The following NCKAP1L variants were observed in gnomAD, a reference collection of about 807,000 sequenced individuals.
The protein encoded by NCKAP1L is nck-associated protein 1-like.
Under a neutral mutation model 139.2 loss-of-function variants are expected in NCKAP1L, and 53 were observed. That is an observed-to-expected ratio of 0.38 (90% confidence interval 0.31 to 0.48). The LOEUF is 0.48. Ranked by LOEUF, NCKAP1L falls within the 20% of genes least tolerant of loss-of-function variation. NCKAP1L has a pLI of 0.98. For synonymous variants in NCKAP1L, 468 were observed against 499.7 expected, an observed-to-expected ratio of 0.94 and a Z score of 0.85; for missense variants, 1,151 against 1,381.9, an observed-to-expected ratio of 0.83 and a Z score of 2.65.
In NCKAP1L at chr12:54,519,195, T is replaced by G; in HGVS notation, c.1488T>G (p.Thr496=). 3 of 1,563,496 alleles carry G rather than the reference T, an allele frequency of 1.9e-6. No homozygotes were observed. In the Admixed American group the frequency reaches 6.4e-5, roughly 33 times the overall value. ...CCCAACTCCAACCGCAGGCATACAC[T>G]AGCGTGGCTAAGGCCCCTCTGCACC... ...RLDWFRLQAY[T]SVAKAPLHLH... The change falls in exon 16 of 31, where the codon ACT becomes ACG. Residue 496 remains threonine (T), a synonymous_variant. Transcript: ENST00000293373.
At chr12:54,509,507 G>A (rs1203544439) in intron 5 of NCKAP1L, among the ~76,000 whole-genome samples, 162 bp from the exon 6 acceptor site, 2 of 152,148 alleles carry the variant, frequency 1.3e-5, no homozygotes, top group African/African-American at 2.4e-5. Flanking sequence ...ACCTGATCCT[G>A]GAGTGGGGTA....
chr12:54,517,114 G>A, intron 11 of NCKAP1L, 122 bp downstream of exon 11: 3 of 770,674 alleles, frequency 3.9e-6, no homozygotes, highest in Non-Finnish European at 6.5e-6. Flanking sequence ...GTATATATGC[G>A]ATTCCCTTGA....
chr12:54,517,133 G>T, intron 11 of NCKAP1L, 141 bp downstream of exon 11: 1 of 688,756 alleles, frequency 1.5e-6, no homozygotes, highest in Non-Finnish European at 2.5e-6. Flanking sequence ...GAACATTCTT[G>T]GAGTATCCCA....
chr12:54,540,370 G>T (rs1056547927), intron 30 of NCKAP1L, among the ~76,000 whole-genome samples: 4 of 152,170 alleles, frequency 2.6e-5, no homozygotes, highest in African/African-American at 9.7e-5. Flanking sequence ...ATGGACTTGG[G>T]GGTGGATGTA....
In NCKAP1L at chr12:54,545,472, A is replaced by C. The variant is rs1253735051; in HGVS notation, c.*2787A>C. ...GAATCCAGAGACCTTAGAAGGAGCA[A>C]ATTGGAGAAGGTGAGGACATGATGG... On this transcript the variant is annotated 3_prime_UTR_variant, in exon 31 of 31. Transcript: ENST00000293373. 1 of 152,218 alleles carries C rather than the reference A, an allele frequency of 6.6e-6. No individual in the cohort carries two copies. Among genetic ancestry groups the C allele is most frequent in the Non-Finnish European group, 1.5e-5 (1 of 68,046 alleles). The allele number at this position is 152,218 out of a possible 1,614,324, so 9.4% of individuals were successfully genotyped here. A position where few individuals can be genotyped will look rare whatever the true frequency, so the allele number is the denominator to read the frequency against.
intron 26 of NCKAP1L, among the ~76,000 whole-genome samples, chr12:54,533,963 G>C (rs992531208): frequency 1.1e-4 from 17 of 152,168 alleles, no homozygotes; most frequent in Admixed American, 4.6e-4. Flanking sequence ...ATCTAAAAAG[G>C]GGTCTAGGTA....
chr12:54,498,174 G>A (rs1367765768), intron 1 of NCKAP1L, among the ~76,000 whole-genome samples: 1 of 152,144 alleles, frequency 6.6e-6, no homozygotes, highest in Non-Finnish European at 1.5e-5. Flanking sequence ...GGAAACAACA[G>A]TGGTATTCCA....
At chr12:54,531,227 G>C (rs371882499) in intron 22 of NCKAP1L, 33 bp from the exon 23 acceptor site, 6 of 1,530,394 alleles carry the variant, frequency 3.9e-6, no homozygotes, top group Non-Finnish European at 5.4e-6. Flanking sequence ...TGCCTTCTGA[G>C]TCCCATCTGG....
At chr12:54,508,983 CA>C (rs1323136230) in intron 5 of NCKAP1L, among the ~76,000 whole-genome samples, 1 of 152,184 alleles carries the variant, frequency 6.6e-6, no homozygotes, top group Non-Finnish European at 1.5e-5. Flanking sequence ...CATCTCTGAA[CA>C]ATTTTTAATC....
chr12:54,509,825 G>T, intron 6 of NCKAP1L, 23 bp from the exon 7 acceptor site: 2 of 1,614,128 alleles, frequency 1.2e-6, no homozygotes, highest in African/African-American at 1.3e-5. Flanking sequence ...TGCCGCTAAG[G>T]TTTCATTTGC....
rs1372518731 is a variant in NCKAP1L, at chr12:54,521,242, G to A, written c.1878+4G>A. The A allele has an allele frequency of 1.2e-6, 2 of 1,613,734 alleles. No homozygotes were observed. Among genetic ancestry groups the A allele is most frequent in the Non-Finnish European group, 8.5e-7 (1 of 1,179,772 alleles). On this transcript the variant is annotated splice_donor_region_variant and intron_variant, in intron 18 of 30. Coordinates refer to ENST00000293373, the MANE Select transcript of NCKAP1L (RefSeq NM_005337.5). ...GCAGCGAAACCTGAGCGAGCAGGTA[G>A]ACTCAGCCCTCTCTGTTTCACTCTC...
Position 54,516,931 on chromosome 12 carries a change from G to A in NCKAP1L, c.1034G>A (p.Arg345Gln), listed in dbSNP as rs202184477. ...QFHCQRRQFL[R>Q]MAVKELETVL... ...CATTGTCAACGGCGGCAATTTCTGC[G>A]GATGGCAGTGAAGGAGCTGGAGACT... Residue 345 changes from arginine to glutamine, a missense_variant, in exon 11 of 31, where the codon CGG becomes CAG. Coordinates refer to ENST00000293373, the MANE Select transcript of NCKAP1L (RefSeq NM_005337.5). 93 of 1,612,588 alleles carry A rather than the reference G, an allele frequency of 5.8e-5. No homozygotes were observed. The highest frequency in any genetic ancestry group is 2.2e-4 in the Admixed American group (13 of 59,934).
intron 29 of NCKAP1L, 66 bp from the exon 30 acceptor site, chr12:54,538,818 C>T (rs1043408982): frequency 2.5e-6 from 3 of 1,218,576 alleles, no homozygotes; most frequent in Non-Finnish European, 3.6e-6. Flanking sequence ...TCTTAACTTC[C>T]TGCAGCCTGA....
chr12:54,523,396 T>C lies in NCKAP1L; in HGVS notation c.1881T>C (p.Leu627=). Residue 627 remains leucine, a splice_region_variant and synonymous_variant, in exon 19 of 31, where the codon CTT becomes CTC. Transcript: ENST00000293373. Reference sequence around the variant, plus strand: ...TTTACCTGTGTTTGTTTCTGAAGCTTCTACCTAAGCACTGTGCCACTACAA... The same window carrying C: ...TTTACCTGTGTTTGTTTCTGAAGCTCCTACCTAAGCACTGTGCCACTACAA... ...CAEQRNLSEQ[L]LPKHCATTIS... 6.2e-7 allele frequency: 1 copy of C among 1,609,696 alleles called. No individual in the cohort carries two copies. The highest frequency in any genetic ancestry group is 8.5e-7 in the Non-Finnish European group (1 of 1,178,684).
intron 3 of NCKAP1L, among the ~76,000 whole-genome samples, chr12:54,505,758 G>A (rs1015399445): frequency 1.2e-4 from 18 of 152,088 alleles, no homozygotes; most frequent in African/African-American, 4.3e-4. Flanking sequence ...TGCCTCCTGG[G>A]TTGAAGGGAG....
intron 25 of NCKAP1L, 38 bp downstream of exon 25, chr12:54,531,863 A>AGG: frequency 6.8e-7 from 1 of 1,478,604 alleles, no homozygotes; most frequent in Non-Finnish European, 9.4e-7. Flanking sequence ...AGAGTCACAG[A>AGG]TACCTCTGTG....
At position 54,509,917 on chromosome 12, in the gene NCKAP1L, C is replaced by T. The variant is rs756906173; in HGVS notation, c.667C>T (p.Arg223Cys). ...AAGAAACCAGGGGGCTGAGCAGTGGCGCAGTGCCCAACTTCTAAGCCTCAT... is the reference window on the plus strand; with the variant it reads ...AAGAAACCAGGGGGCTGAGCAGTGGTGCAGTGCCCAACTTCTAAGCCTCAT... ...VRRNQGAEQW[R>C]SAQLLSLISN... Residue 223 changes from arginine to cysteine, a missense_variant, in exon 7 of 31, where the codon CGC becomes TGC. Arg to Cys is a radical substitution (Grantham distance 180, BLOSUM62 -3). Coordinates refer to ENST00000293373, the MANE Select transcript of NCKAP1L (RefSeq NM_005337.5). 7.4e-6 allele frequency: 12 copies of T among 1,614,052 alleles called. No individual in the cohort carries two copies. The highest frequency in any genetic ancestry group is 3.3e-5 in the South Asian group (3 of 91,086).
chr12:54,516,144 A>G, intron 9 of NCKAP1L, 95 bp from the exon 10 acceptor site: 2 of 1,278,954 alleles, frequency 1.6e-6, no homozygotes. Context: ...TGCTCCCACC[A>G]GGGTATAGGC....
At chr12:54,533,830 A>C (rs1446592754) in intron 26 of NCKAP1L, among the ~76,000 whole-genome samples, 1 of 152,238 alleles carries the variant, frequency 6.6e-6, no homozygotes, top group Non-Finnish European at 1.5e-5. Flanking sequence ...TTGGCCTCCC[A>C]AAGTGCTGGG....
Sources: gnomAD v4.1 joint callset for allele counts (sites outside exome capture counted in the v4.1 genomes callset) on GRCh38, gnomAD v4.1.1 for gene constraint, MANE v1.5 for transcripts, NCBI Gene and HGNC (gene_info 2026-07-23, HGNC 2026-07-21) for gene names.